The following ADAMTSL1 variants were observed in gnomAD, a reference collection of about 807,000 sequenced individuals.
The protein encoded by ADAMTSL1 is ADAMTS like 1.
A neutral mutation model predicts 201.8 loss-of-function variants in ADAMTSL1; 126 were observed. The observed-to-expected ratio is 0.62, with a 90% CI of 0.54 to 0.72. The LOEUF (loss-of-function observed/expected upper bound fraction) is 0.72. ADAMTSL1 is among the 30% of genes least tolerant of loss of function. The pLI is 0.00. For missense variants in ADAMTSL1, 2,679 were observed against 2,277.8 expected, an observed-to-expected ratio of 1.18 and a Z score of -3.59; for synonymous variants, 1,121 against 903.4, an observed-to-expected ratio of 1.24 and a Z score of -4.32.
intron 2 of ADAMTSL1, among the ~76,000 whole-genome samples, chr9:18,289,890 C>G (rs1833182348): frequency 6.6e-6 from 1 of 152,148 alleles, no homozygotes; most frequent in Admixed American, 6.5e-5. Flanking sequence ...AACATGAAAA[C>G]AAATACAATG....
intron 23 of ADAMTSL1, among the ~76,000 whole-genome samples, chr9:18,865,375 AT>A (rs1057272852): frequency 3.7e-4 from 56 of 152,214 alleles, no homozygotes; most frequent in Non-Finnish European, 7.4e-4. Context: ...TGAACTCATC[AT>A]TTTTTATGGC....
chr9:18,259,055 T>C (rs369661616), intron 2 of ADAMTSL1, among the ~76,000 whole-genome samples: 103 of 152,298 alleles, frequency 6.8e-4, no homozygotes, highest in African/African-American at 2.4e-3. Flanking sequence ...TGACTCTGAG[T>C]CTTCACTGTT....
chr9:18,619,654 C>T (rs750117160), intron 4 of ADAMTSL1, among the ~76,000 whole-genome samples: 7 of 152,004 alleles, frequency 4.6e-5, no homozygotes, highest in African/African-American at 7.3e-5. Context: ...GTTTTGGAAC[C>T]GTAAGAAATC....
In ADAMTSL1 at chr9:18,410,217, A is replaced by G. The variant is rs144707490; in HGVS notation, c.208-94612A>G. 5.9e-3 allele frequency among the ~76,000 whole-genome samples: 847 copies of G among 142,862 alleles called. 4 individuals are homozygous for G. The highest frequency in any genetic ancestry group is 0.01 in the Non-Finnish European group (663 of 64,754). The allele number at this position is 142,862 out of a possible 152,430, so 93.7% of individuals were successfully genotyped here. A position where few individuals can be genotyped will look rare whatever the true frequency, so the allele number is the denominator to read the frequency against. On this transcript the variant is annotated intron_variant, in intron 2 of 29. Transcript: ENST00000680146. ...TTCCTTTTTTTTTCTGTCAACTTTT[A>G]TTTTAAGCTCAAGGGTACATTTGCA...
At chr9:18,141,299 C>T (rs1330188372) in intron 1 of ADAMTSL1, among the ~76,000 whole-genome samples, 1 of 152,130 alleles carries the variant, frequency 6.6e-6, no homozygotes, top group African/African-American at 2.4e-5. Context: ...GACAGAAGAA[C>T]ATGTTAAGGC....
chr9:17,979,199 T>A (rs1818583001), intron 1 of ADAMTSL1, among the ~76,000 whole-genome samples: 1 of 152,148 alleles, frequency 6.6e-6, no homozygotes, highest in South Asian at 2.1e-4. Context: ...TAAACCTGGA[T>A]GTCCATATTG....
At chr9:18,666,422 G>A (rs938957997) in intron 9 of ADAMTSL1, among the ~76,000 whole-genome samples, 2 of 152,136 alleles carry the variant, frequency 1.3e-5, no homozygotes, top group African/African-American at 4.8e-5. Context: ...TCTGTACACA[G>A]TGTATTACAT....
chr9:18,226,221 C>T (rs1472541349), intron 2 of ADAMTSL1, among the ~76,000 whole-genome samples: 4 of 151,848 alleles, frequency 2.6e-5, no homozygotes, highest in African/African-American at 9.7e-5. Context: ...TATTTTGTAC[C>T]TGTTGTTTAG....
At chr9:18,756,131 T>C in intron 16 of ADAMTSL1, among the ~76,000 whole-genome samples, 1 of 99,084 alleles carries the variant, frequency 1.0e-5, no homozygotes, top group East Asian at 2.5e-4. Context: ...ATACAAAAAT[T>C]AGCCTGGTGT....
At chr9:18,448,570 G>A (rs1027777058) in intron 2 of ADAMTSL1, among the ~76,000 whole-genome samples, 8 of 152,174 alleles carry the variant, frequency 5.3e-5, no homozygotes, top group East Asian at 1.9e-4. Flanking sequence ...AGTTGCAAAG[G>A]AAGTTATATC....
At chr9:18,772,102 A>C (rs916880087) in intron 17 of ADAMTSL1, among the ~76,000 whole-genome samples, 2 of 152,156 alleles carry the variant, frequency 1.3e-5, no homozygotes. Context: ...GTGTGTGTGC[A>C]TGTGCATGTT....
chr9:18,699,351 GTCTT>G (rs1831785861), intron 13 of ADAMTSL1, among the ~76,000 whole-genome samples: 1 of 147,044 alleles, frequency 6.8e-6, no homozygotes, highest in Non-Finnish European at 1.5e-5. Flanking sequence ...GAGAGACTGG[GTCTT>G]TCTTTGTAGC....
chr9:18,012,704 C>G (rs571596151), intron 1 of ADAMTSL1, among the ~76,000 whole-genome samples: 55 of 152,076 alleles, frequency 3.6e-4, no homozygotes, highest in Middle Eastern at 3.4e-3. Context: ...TGGGCTTCTC[C>G]CAGGAGATGG....
chr9:18,072,398 G>A (rs901097393), intron 1 of ADAMTSL1, among the ~76,000 whole-genome samples: 6 of 152,080 alleles, frequency 3.9e-5, no homozygotes, highest in African/African-American at 1.4e-4. Flanking sequence ...CTGCAGTATT[G>A]GATCATTTGC....
At chr9:18,017,138 C>T (rs1458168934) in intron 1 of ADAMTSL1, among the ~76,000 whole-genome samples, 1 of 152,064 alleles carries the variant, frequency 6.6e-6, no homozygotes, top group Non-Finnish European at 1.5e-5. Flanking sequence ...TATTTTCCAT[C>T]TCTACTATAG....
intron 2 of ADAMTSL1, among the ~76,000 whole-genome samples, chr9:18,181,184 T>C (rs1412955040): frequency 6.6e-6 from 1 of 152,182 alleles, no homozygotes; most frequent in African/African-American, 2.4e-5. Context: ...ATAAAAGCCC[T>C]AGAAGAAAAC....
intron 20 of ADAMTSL1, among the ~76,000 whole-genome samples, chr9:18,805,330 A>C (rs1350000502): frequency 6.6e-6 from 1 of 152,226 alleles, no homozygotes. Context: ...GTTCTTTCTA[A>C]CAAATGTATT....
chr9:18,371,434 A>T (rs1837036845), intron 2 of ADAMTSL1, among the ~76,000 whole-genome samples: 1 of 152,180 alleles, frequency 6.6e-6, no homozygotes, highest in African/African-American at 2.4e-5. Context: ...AACACACTAG[A>T]CACAAGAGGG....
chr9:18,836,831 T>C (rs988085235), intron 23 of ADAMTSL1, among the ~76,000 whole-genome samples: 2 of 152,070 alleles, frequency 1.3e-5, no homozygotes, highest in African/African-American at 4.8e-5. Context: ...TGGTCAGATA[T>C]ATTCCTAGAT....
Sources: allele counts gnomAD v4.1 joint callset (sites outside exome capture counted in the v4.1 genomes callset), GRCh38; gene constraint gnomAD v4.1.1; transcripts MANE v1.5; gene names NCBI Gene and HGNC (gene_info 2026-07-23, HGNC 2026-07-21).